FSTL5: variants seen among roughly 807,000 people sequenced by gnomAD.
The protein encoded by FSTL5 is follistatin-related protein 5.
A neutral mutation model predicts 89.1 loss-of-function variants in FSTL5; 62 were observed. The observed-to-expected ratio is 0.70, with a 90% CI of 0.57 to 0.86. The LOEUF (loss-of-function observed/expected upper bound fraction) is 0.86, where lower values mean the gene tolerates loss of function less well. Among genes scored for constraint, FSTL5 ranks in the 40% least tolerant of loss-of-function variants. FSTL5 has a pLI of 0.00. For missense variants in FSTL5, 1,057 were observed against 1,001.6 expected, an observed-to-expected ratio of 1.06 and a Z score of -0.75; for synonymous variants, 383 against 346.2, an observed-to-expected ratio of 1.11 and a Z score of -1.18.
At chr4:161,975,581 T>C (rs1243914339) in intron 3 of FSTL5, among the ~76,000 whole-genome samples, 2 of 144,376 alleles carry the variant, frequency 1.4e-5, no homozygotes, top group Non-Finnish European at 3.0e-5. Context: ...GGAAGGGGAA[T>C]ATCACACTCT....
intron 2 of FSTL5, among the ~76,000 whole-genome samples, chr4:162,053,508 A>C (rs1738448034): frequency 6.6e-6 from 1 of 151,786 alleles, no homozygotes; most frequent in Admixed American, 6.6e-5. Context: ...ACATGTGTGC[A>C]TAACAAGTTA....
intron 10 of FSTL5, among the ~76,000 whole-genome samples, chr4:161,525,012 C>A (rs1303622651): frequency 6.6e-6 from 1 of 151,832 alleles, no homozygotes; most frequent in Admixed American, 6.6e-5. Flanking sequence ...TCTCTTAAAT[C>A]TCCAGCTATG....
At chr4:162,086,868 A>G (rs1210400495) in intron 2 of FSTL5, among the ~76,000 whole-genome samples, 2 of 152,122 alleles carry the variant, frequency 1.3e-5, no homozygotes, top group Non-Finnish European at 2.9e-5. Flanking sequence ...GAAATCAAGT[A>G]TATCTGATAG....
intron 8 of FSTL5, among the ~76,000 whole-genome samples, chr4:161,560,707 C>T (rs1732565238): frequency 6.6e-6 from 1 of 151,840 alleles, no homozygotes; most frequent in African/African-American, 2.4e-5. Context: ...TTATCTATAT[C>T]ACTGTCTTCC....
chr4:162,015,857 G>C (rs1002853080), intron 3 of FSTL5, among the ~76,000 whole-genome samples: 14 of 152,144 alleles, frequency 9.2e-5, no homozygotes, highest in Admixed American at 9.2e-4. Flanking sequence ...GTTTAATTGA[G>C]ACAGGAGCTT....
At chr4:161,671,092 C>G (rs1737090121) in intron 6 of FSTL5, among the ~76,000 whole-genome samples, 1 of 152,188 alleles carries the variant, frequency 6.6e-6, no homozygotes, top group Non-Finnish European at 1.5e-5. Flanking sequence ...CTTTTCAACT[C>G]TAAAGACATT....
intron 6 of FSTL5, among the ~76,000 whole-genome samples, chr4:161,695,449 GTGTGTATA>G (rs1409494420): frequency 3.6e-5 from 5 of 137,788 alleles, no homozygotes; most frequent in Admixed American, 7.8e-5. Flanking sequence ...GTGTGTGTGT[GTGTGTATA>G]TATATCACAT....
chr4:161,572,941 A>T (rs1292781856), intron 8 of FSTL5, among the ~76,000 whole-genome samples: 1 of 152,240 alleles, frequency 6.6e-6, no homozygotes, highest in Non-Finnish European at 1.5e-5. Flanking sequence ...AAAAAGTGAT[A>T]CGGTGGCTTG....
At chr4:161,495,567 A>T (rs975670990) in intron 12 of FSTL5, 3 of 152,188 alleles carry the variant, frequency 2.0e-5, no homozygotes, top group Non-Finnish European at 4.4e-5. Context: ...AGTTTGTTGT[A>T]TATATCCTCA....
intron 13 of FSTL5, among the ~76,000 whole-genome samples, chr4:161,472,195 TCTCGATCTCCTGAC>T (rs1480394634): frequency 6.6e-6 from 1 of 152,134 alleles, no homozygotes; most frequent in East Asian, 1.9e-4. Flanking sequence ...GCCAGGATGA[TCTCGATCTCCTGAC>T]CTCGTGATCT....
intron 8 of FSTL5, among the ~76,000 whole-genome samples, chr4:161,574,904 C>A (rs186394211): frequency 3.6e-4 from 55 of 152,278 alleles, no homozygotes; most frequent in African/African-American, 1.3e-3. Flanking sequence ...AGTTCTCGAT[C>A]TTTGAGGAAT....
chr4:161,475,603 T>A (rs1451218539), intron 13 of FSTL5, among the ~76,000 whole-genome samples: 3 of 152,018 alleles, frequency 2.0e-5, no homozygotes, highest in African/African-American at 4.8e-5. Flanking sequence ...TATTTTTTAT[T>A]CTTTACTAAC....
Position 161,500,108 on chromosome 4 carries a change from CAT to C in FSTL5, c.1364_1365del (p.Tyr455CysfsTer4). The C allele has an allele frequency of 6.2e-7, 1 of 1,601,396 alleles. No homozygotes were observed. The highest frequency in any genetic ancestry group is 8.5e-7 in the Non-Finnish European group (1 of 1,171,386). On this transcript the variant is annotated frameshift_variant, in exon 12 of 16. Coordinates refer to ENST00000306100, the MANE Select transcript of FSTL5 (RefSeq NM_020116.5). LOFTEE classifies it high-confidence loss of function. ...EEGLGIGNMF[Y>X]VFYEDGIKVI... ...ACTTTGATTCCATCTTCATAAAAAA[CAT>C]AGAACATGTTCCCAATTCCCAGACC...
At chr4:161,980,261 A>AAAAG (rs60880931) in intron 3 of FSTL5, among the ~76,000 whole-genome samples, 19 of 147,798 alleles carry the variant, frequency 1.3e-4, no homozygotes, top group African/African-American at 3.2e-4. Flanking sequence ...GAAGAAAGAA[A>AAAAG]AAAGAAAGAA....
At chr4:161,647,898 C>A (rs1433243539) in intron 7 of FSTL5, among the ~76,000 whole-genome samples, 1 of 152,094 alleles carries the variant, frequency 6.6e-6, no homozygotes, top group African/African-American at 2.4e-5. Context: ...AGCAGGCAGA[C>A]ACACAGGCAG....
intron 6 of FSTL5, among the ~76,000 whole-genome samples, chr4:161,672,262 GTTTGCAATTATAAATACT>G (rs1353842937): frequency 2.6e-5 from 4 of 152,042 alleles, no homozygotes; most frequent in Admixed American, 1.3e-4. Flanking sequence ...AGTTTACAAA[GTTTGCAATTATAAATACT>G]TTCTGTGCCC....
intron 1 of FSTL5, among the ~76,000 whole-genome samples, chr4:162,126,596 G>A (rs1732089798): frequency 6.6e-6 from 1 of 151,824 alleles, no homozygotes; most frequent in African/African-American, 2.4e-5. Flanking sequence ...ATAATCTAAT[G>A]TGTAGCCTCT....
intron 15 of FSTL5, among the ~76,000 whole-genome samples, chr4:161,449,445 G>C (rs61354069): frequency 6.6e-6 from 1 of 152,000 alleles, no homozygotes; most frequent in Non-Finnish European, 1.5e-5. Flanking sequence ...TTTGGGTTGG[G>C]GGGGATAGTT....
At chr4:161,967,071 C>G (rs1194740765) in intron 3 of FSTL5, among the ~76,000 whole-genome samples, 9 of 148,208 alleles carry the variant, frequency 6.1e-5, no homozygotes, top group Admixed American at 3.4e-4. Context: ...TATGGGATTT[C>G]TGTTTCACAA....
Sources: gnomAD v4.1 joint callset for allele counts (sites outside exome capture counted in the v4.1 genomes callset) on GRCh38, gnomAD v4.1.1 for gene constraint, MANE v1.5 for transcripts, NCBI Gene and HGNC (gene_info 2026-07-23, HGNC 2026-07-21) for gene names.